Variants in MET observed in about 807,000 individuals in gnomAD.
MET encodes hepatocyte growth factor receptor.
A neutral mutation model predicts 133.1 loss-of-function variants in MET; 48 were observed. That is an observed-to-expected ratio of 0.36 (90% CI 0.29 to 0.46). The LOEUF (loss-of-function observed/expected upper bound fraction) is 0.46. MET is among the 20% of genes least tolerant of loss of function. The pLI is 1.00. For missense variants in MET, 1,442 were observed against 1,695.9 expected, an observed-to-expected ratio of 0.85 and a Z score of 2.63; for synonymous variants, 628 against 616.5, an observed-to-expected ratio of 1.02 and a Z score of -0.28.
chr7:116,717,829 A>T (rs1792304977), intron 2 of MET, among the ~76,000 whole-genome samples: 1 of 152,230 alleles, frequency 6.6e-6, no homozygotes, highest in Non-Finnish European at 1.5e-5. Flanking sequence ...CACTGCATAC[A>T]TCATAATGTT....
chr7:116,780,217 T>A (rs972077806), intron 17 of MET, among the ~76,000 whole-genome samples: 3 of 151,664 alleles, frequency 2.0e-5, no homozygotes, highest in Admixed American at 1.3e-4. Context: ...CCAGGGAGGG[T>A]GGGAATAAGA....
At position 116,775,099 on chromosome 7, in the gene MET, G is replaced by A. The variant is rs1794955378; in HGVS notation, c.3247G>A (p.Val1083Ile). The A allele has an allele frequency of 6.2e-7, 1 of 1,614,124 alleles. No individual in the cohort carries two copies. The highest frequency in any genetic ancestry group is 8.5e-7 in the Non-Finnish European group (1 of 1,179,962). ...TAGCCTGATTGTGCATTTCAATGAAGTCATAGGAAGAGGTAAGTATTTCCA... is the reference window on the plus strand; with the variant it reads ...TAGCCTGATTGTGCATTTCAATGAAATCATAGGAAGAGGTAAGTATTTCCA... ...PSSLIVHFNE[V>I]IGRGHFGCVY... Residue 1083 changes from valine (V) to isoleucine (I), a missense_variant, in exon 15 of 21, where the codon GTC (valine) becomes ATC (isoleucine). Physicochemically the swap from Val to Ile is conservative, Grantham distance 29. Coordinates refer to ENST00000397752, the MANE Select transcript of MET (RefSeq NM_000245.4).
chr7:116,708,242 C>T (rs1791871429), intron 2 of MET, among the ~76,000 whole-genome samples: 1 of 152,104 alleles, frequency 6.6e-6, no homozygotes, highest in Non-Finnish European at 1.5e-5. Flanking sequence ...GTAGTTGAGT[C>T]ACAAAAGGCT....
chr7:116,798,248 A>C lies in MET; in HGVS notation c.*2124A>C. On this transcript the variant is annotated 3_prime_UTR_variant, in exon 21 of 21. Transcript: ENST00000397752. ...TCCTTAGATTAATGTGTCTGGACAG[A>C]TTGTGGGAGTAAGTGATTCTTCTAA... The C allele has an allele frequency of 4.8e-6, 1 of 208,088 alleles. No individual in the cohort carries two copies. Among genetic ancestry groups the C allele is most frequent in the South Asian group, 1.9e-4 (1 of 5,326 alleles). 12.9% of individuals were successfully genotyped at this position (208,088 alleles called of 1,614,324 possible).
chr7:116,764,903 C>T (rs1215819797), intron 11 of MET, among the ~76,000 whole-genome samples: 1 of 152,066 alleles, frequency 6.6e-6, no homozygotes, highest in Non-Finnish European at 1.5e-5. Flanking sequence ...TTTTTTCATA[C>T]TTCATTTTTC....
chr7:116,719,603 T>C (rs1454916473), intron 2 of MET, among the ~76,000 whole-genome samples: 3 of 152,252 alleles, frequency 2.0e-5, no homozygotes, highest in Admixed American at 6.5e-5. Context: ...GGTTTTCTTC[T>C]AGGGTTTTTA....
chr7:116,709,282 G>T (rs1268500087), intron 2 of MET, among the ~76,000 whole-genome samples: 1 of 152,110 alleles, frequency 6.6e-6, no homozygotes, highest in African/African-American at 2.4e-5. Flanking sequence ...TGTCTTGTAG[G>T]GAAGGCACTT....
chr7:116,787,122 A>T (rs1177948363), intron 19 of MET, among the ~76,000 whole-genome samples: 1 of 152,180 alleles, frequency 6.6e-6, no homozygotes, highest in Non-Finnish European at 1.5e-5. Flanking sequence ...AGAAAGTGAT[A>T]GTGCCATGTA....
At chr7:116,719,390 C>T (rs1181699594) in intron 2 of MET, among the ~76,000 whole-genome samples, 1 of 151,942 alleles carries the variant, frequency 6.6e-6, no homozygotes, top group African/African-American at 2.4e-5. Context: ...TGGATATTAG[C>T]CCTTTGTCAG....
At chr7:116,716,287 GAGA>G (rs1562892876) in intron 2 of MET, among the ~76,000 whole-genome samples, 49 of 20,788 alleles carry the variant, frequency 2.4e-3, no homozygotes, top group East Asian at 0.011. Context: ...GAGAGAGGGA[GAGA>G]GAGAGAGAGA....
In MET at chr7:116,796,389, G is replaced by T; in HGVS notation, c.*265G>T. 2.0e-6 allele frequency: 1 copy of T among 506,430 alleles called. No individual in the cohort carries two copies. Among genetic ancestry groups the T allele is most frequent in the Non-Finnish European group, 3.6e-6 (1 of 279,816 alleles). 31.4% of individuals were successfully genotyped at this position (506,430 alleles called of 1,614,324 possible). A position where few individuals can be genotyped will look rare whatever the true frequency, so the allele number is the denominator to read the frequency against. On this transcript the variant is annotated 3_prime_UTR_variant, in exon 21 of 21. Transcript: ENST00000397752. ...ATTGGAGTCCAAAACTTGAATTCTG[G>T]GTTGAATTTTTTAAAAATCAGGTAC...
intron 19 of MET, among the ~76,000 whole-genome samples, chr7:116,787,503 T>G (rs1022506386): frequency 6.6e-6 from 1 of 152,226 alleles, no homozygotes; most frequent in Non-Finnish European, 1.5e-5. Context: ...TGTCATAACA[T>G]GGTGGAAGGC....
intron 11 of MET, among the ~76,000 whole-genome samples, chr7:116,766,936 G>A (rs1794647408): frequency 6.6e-6 from 1 of 152,102 alleles, no homozygotes; most frequent in African/African-American, 2.4e-5. Flanking sequence ...AACATCTGGT[G>A]GAACTCAGTT....
chr7:116,756,204 C>T (rs1206633371), intron 6 of MET, among the ~76,000 whole-genome samples: 1 of 152,114 alleles, frequency 6.6e-6, no homozygotes, highest in East Asian at 1.9e-4. Flanking sequence ...GATCCAAGAC[C>T]CGTGCTAGTT....
At chr7:116,788,797 G>A (rs941826424) in intron 19 of MET, among the ~76,000 whole-genome samples, 2 of 152,112 alleles carry the variant, frequency 1.3e-5, no homozygotes, top group African/African-American at 4.8e-5. Context: ...TGAAACCTGC[G>A]ACCAAAAACT....
chr7:116,726,470 C>T (rs1792789757), intron 2 of MET, among the ~76,000 whole-genome samples: 1 of 151,844 alleles, frequency 6.6e-6, no homozygotes, highest in Admixed American at 6.6e-5. Flanking sequence ...TTCTTTGTCA[C>T]TATTTCCCTT....
At chr7:116,738,145 T>A (rs1425894686) in intron 3 of MET, among the ~76,000 whole-genome samples, 1 of 152,212 alleles carries the variant, frequency 6.6e-6, no homozygotes, top group African/African-American at 2.4e-5. Flanking sequence ...GACCTGTGTG[T>A]GAGAAAAGGA....
At chr7:116,716,465 AAGAG>A (rs532947757) in intron 2 of MET, among the ~76,000 whole-genome samples, 2 of 130,308 alleles carry the variant, frequency 1.5e-5, no homozygotes, top group Non-Finnish European at 3.3e-5. Context: ...AAAAGAAAGA[AAGAG>A]AAAGAAAGAA....
chr7:116,776,870 C>T (rs192018711), intron 15 of MET, among the ~76,000 whole-genome samples: 3 of 152,292 alleles, frequency 2.0e-5, no homozygotes, highest in East Asian at 3.9e-4. Context: ...ACCTGGATTA[C>T]GTATTAACCA....
Sources: allele counts gnomAD v4.1 joint callset (sites outside exome capture counted in the v4.1 genomes callset), GRCh38; gene constraint gnomAD v4.1.1; transcripts MANE v1.5; gene names NCBI Gene and HGNC (gene_info 2026-07-23, HGNC 2026-07-21).